Variants in FRMPD2 observed in about 807,000 individuals in gnomAD.
FRMPD2 encodes the protein FERM and PDZ domain-containing protein 2.
In FRMPD2, 96 loss-of-function variants were observed where a neutral mutation model predicts 140.1. The ratio of observed to expected loss-of-function variants is 0.69; its 90% CI spans 0.58 to 0.81. The LOEUF (loss-of-function observed/expected upper bound fraction) is 0.81, where lower values mean the gene tolerates loss of function less well. Ranked by LOEUF, FRMPD2 falls within the 40% of genes least tolerant of loss-of-function variation. The pLI, the probability that FRMPD2 is intolerant of heterozygous loss-of-function variation, is 0.00. For synonymous variants in FRMPD2, 449 were observed against 547.6 expected (o/e 0.82, Z 2.52); for missense variants, 1,240 against 1,447.4 (o/e 0.86, Z 2.32).
At chr10:48,230,581 G>A (rs1839827573) in intron 10 of FRMPD2, among the ~76,000 whole-genome samples, 1 of 152,216 alleles carries the variant, frequency 6.6e-6, no homozygotes, top group African/African-American at 2.4e-5. Context: ...AACTTACTTA[G>A]TAAACAAATT....
At chr10:48,185,118 T>C (rs924728287) in intron 18 of FRMPD2, among the ~76,000 whole-genome samples, 1 of 152,206 alleles carries the variant, frequency 6.6e-6, no homozygotes, top group Non-Finnish European at 1.5e-5. Context: ...ACCACCAATA[T>C]GCACTGGATT....
At chr10:48,196,268 TAGA>T (rs1389917772) in intron 15 of FRMPD2, among the ~76,000 whole-genome samples, 6 of 152,192 alleles carry the variant, frequency 3.9e-5, no homozygotes, top group African/African-American at 1.2e-4. Flanking sequence ...CATGCCATTC[TAGA>T]AGAAGTTTGA....
intron 15 of FRMPD2, chr10:48,199,909 T>C (rs1463131690): frequency 1.3e-5 from 2 of 152,216 alleles, no homozygotes; most frequent in African/African-American, 2.4e-5. Flanking sequence ...TTAAAACATC[T>C]TGTGCAATTT....
At chr10:48,221,626 G>C (rs968039932) in intron 12 of FRMPD2, among the ~76,000 whole-genome samples, 3 of 152,018 alleles carry the variant, frequency 2.0e-5, no homozygotes, top group Admixed American at 1.3e-4. Flanking sequence ...AAAAATAAAG[G>C]TTGGCTATTA....
chr10:48,199,514 T>C (rs1021139909), intron 15 of FRMPD2, among the ~76,000 whole-genome samples: 21 of 152,214 alleles, frequency 1.4e-4, no homozygotes, highest in Admixed American at 1.2e-3. Context: ...TTCATTGTTA[T>C]TCTTGTTGGT....
At chr10:48,211,884 G>T in intron 13 of FRMPD2, 70 bp downstream of exon 13, 1 of 1,488,032 alleles carries the variant, frequency 6.7e-7, no homozygotes. Context: ...CCTTGAGAAG[G>T]CTCTGGAGGG....
Position 48,195,580 on chromosome 10 carries a change from G to A in FRMPD2, c.1955-2686C>T, listed in dbSNP as rs562807300. ...GAGATTGGCACTTGGGAAAACAGCA[G>A]TAGTCTTAGAAAAATGCCCAGCACT... On this transcript the variant is annotated intron_variant, in intron 15 of 28. Transcript: ENST00000374201. Among the ~76,000 whole-genome samples, 94 of 152,276 alleles carry A rather than the reference G, an allele frequency of 6.2e-4. 1 individual carries two copies. The South Asian group carries it at 6.2e-3, about 10-fold the overall frequency.
chr10:48,212,870 C>A (rs1006356859), intron 12 of FRMPD2, among the ~76,000 whole-genome samples: 3 of 152,154 alleles, frequency 2.0e-5, no homozygotes. Context: ...GAAGTCCATG[C>A]AGGAGTGATC....
intron 12 of FRMPD2, among the ~76,000 whole-genome samples, chr10:48,215,963 C>A (rs1050409764): frequency 1.3e-5 from 2 of 152,202 alleles, no homozygotes; most frequent in Admixed American, 6.5e-5. Context: ...AGATGGCCCT[C>A]CCTAAAGTGA....
intron 5 of FRMPD2, among the ~76,000 whole-genome samples, chr10:48,241,046 AGGACAAT>A (rs1840093412): frequency 1.3e-5 from 2 of 152,300 alleles, no homozygotes; most frequent in South Asian, 4.2e-4. Flanking sequence ...TGTCTATCCA[AGGACAAT>A]GGCACACCAG....
intron 14 of FRMPD2, 52 bp from the exon 15 acceptor site, chr10:48,201,436 C>T (rs747444755): frequency 5.8e-6 from 9 of 1,560,624 alleles, no homozygotes; most frequent in Admixed American, 3.5e-5. Context: ...CAACCCTCCA[C>T]TGACGCACAA....
At chr10:48,211,529 T>A (rs1564426687) in intron 13 of FRMPD2, among the ~76,000 whole-genome samples, 1 of 152,056 alleles carries the variant, frequency 6.6e-6, no homozygotes, top group Non-Finnish European at 1.5e-5. Flanking sequence ...CCACCTGTAG[T>A]CCCAGCACTT....
At chr10:48,234,624 G>A (rs1209993764) in intron 9 of FRMPD2, among the ~76,000 whole-genome samples, 1 of 152,128 alleles carries the variant, frequency 6.6e-6, no homozygotes, top group African/African-American at 2.4e-5. Flanking sequence ...AGTGACACAG[G>A]AAACCCTGGG....
intron 13 of FRMPD2, among the ~76,000 whole-genome samples, chr10:48,209,716 C>G (rs896486378): frequency 2.0e-5 from 3 of 152,164 alleles, no homozygotes; most frequent in African/African-American, 7.2e-5. Flanking sequence ...ATATCAACAA[C>G]GTTCAAAATG....
At chr10:48,215,767 G>A (rs988637103) in intron 12 of FRMPD2, among the ~76,000 whole-genome samples, 1 of 152,142 alleles carries the variant, frequency 6.6e-6, no homozygotes, top group Non-Finnish European at 1.5e-5. Context: ...CCAGAAGCAG[G>A]GTGAGATCAG....
intron 1 of FRMPD2, among the ~76,000 whole-genome samples, chr10:48,261,256 T>C (rs1290338379): frequency 6.6e-6 from 1 of 152,008 alleles, no homozygotes; most frequent in Non-Finnish European, 1.5e-5. Flanking sequence ...TATTTCAAAA[T>C]TGATAACAGA....
intron 15 of FRMPD2, among the ~76,000 whole-genome samples, chr10:48,195,700 T>C (rs1405670947): frequency 6.6e-6 from 1 of 152,254 alleles, no homozygotes; most frequent in African/African-American, 2.4e-5. Flanking sequence ...ATATTATTTG[T>C]AATACTTAAA....
chr10:48,250,785 G>T, intron 2 of FRMPD2, among the ~76,000 whole-genome samples: 1 of 146,614 alleles, frequency 6.8e-6, no homozygotes, highest in East Asian at 2.0e-4. Flanking sequence ...AGAACACAGA[G>T]TAGGTCTGCC....
At chr10:48,197,425 G>A (rs1348749170) in intron 15 of FRMPD2, among the ~76,000 whole-genome samples, 2 of 152,212 alleles carry the variant, frequency 1.3e-5, no homozygotes. Context: ...GAAAGGGGAA[G>A]TGAGCTGCCC....
Sources: allele counts gnomAD v4.1 joint callset (sites outside exome capture counted in the v4.1 genomes callset), GRCh38; gene constraint gnomAD v4.1.1; transcripts MANE v1.5; gene names NCBI Gene and HGNC (gene_info 2026-07-23, HGNC 2026-07-21).